EYS: variants seen among roughly 807,000 people sequenced by gnomAD.
EYS encodes the protein EGF-like photoreceptor maintenance factor.
Under a neutral mutation model 282.1 loss-of-function variants are expected in EYS, and 250 were observed. That is an observed-to-expected ratio of 0.89 (90% CI 0.80 to 0.98). EYS has a LOEUF of 0.98. Ranked by LOEUF, EYS falls within the 50% of genes least tolerant of loss-of-function variation. EYS has a pLI of 0.00. For synonymous variants in EYS, 1,355 were observed against 1,282.9 expected, an observed-to-expected ratio of 1.06 and a Z score of -1.20; for missense variants, 4,016 against 3,709.0, an observed-to-expected ratio of 1.08 and a Z score of -2.15.
intron 9 of EYS, among the ~76,000 whole-genome samples, chr6:65,352,126 CTA>C (rs918907754): frequency 8.6e-5 from 13 of 151,722 alleles, no homozygotes; most frequent in African/African-American, 2.9e-4. Context: ...GAACTGATAA[CTA>C]TTTCTGTCAC....
chr6:63,921,175 C>T (rs1297289058), intron 35 of EYS, among the ~76,000 whole-genome samples: 1 of 152,186 alleles, frequency 6.6e-6, no homozygotes, highest in East Asian at 1.9e-4. Context: ...GGATTACAGG[C>T]GTGAGCCACC....
chr6:65,641,235 CA>C (rs1331953837), intron 1 of EYS, among the ~76,000 whole-genome samples: 9 of 152,222 alleles, frequency 5.9e-5, no homozygotes, highest in Non-Finnish European at 1.3e-4. Context: ...CCAGAAGCAT[CA>C]ACGCTCAGAG....
intron 29 of EYS, among the ~76,000 whole-genome samples, chr6:64,341,055 G>A (rs555862185): frequency 3.3e-5 from 5 of 151,512 alleles, no homozygotes; most frequent in South Asian, 2.1e-4. Flanking sequence ...ATAAAAAATC[G>A]AAAACAACAC....
In EYS at chr6:64,590,922, T is replaced by C; in HGVS notation, c.4945A>G (p.Ile1649Val). ...TILSSSLEES[I>V]TLSSNLDVNL... ...ACATCCAAATTACTTGATAGGGTAA[T>C]GGATTCTTCCAAGGATGAGGATAAA... Residue 1649 changes from isoleucine (I) to valine (V), a missense_variant, in exon 26 of 43, where the codon ATT (isoleucine) becomes GTT (valine). Coordinates refer to ENST00000503581, the MANE Select transcript of EYS (RefSeq NM_001142800.2). 1 of 1,550,714 alleles carries C rather than the reference T, an allele frequency of 6.4e-7. No homozygotes were observed. The highest frequency in any genetic ancestry group is 8.7e-7 in the Non-Finnish European group (1 of 1,146,634).
intron 26 of EYS, among the ~76,000 whole-genome samples, chr6:64,490,032 G>A (rs1280144356): frequency 6.6e-6 from 1 of 150,688 alleles, no homozygotes; most frequent in Non-Finnish European, 1.5e-5. Context: ...AGTTCTCAGC[G>A]AATTTTATTA....
At chr6:65,215,414 G>C (rs1364203463) in intron 12 of EYS, among the ~76,000 whole-genome samples, 1 of 152,208 alleles carries the variant, frequency 6.6e-6, no homozygotes, top group African/African-American at 2.4e-5. Flanking sequence ...AGGGCCTAAA[G>C]ATGCGATTGA....
chr6:65,447,255 C>T (rs1261366423), intron 5 of EYS, among the ~76,000 whole-genome samples: 2 of 149,430 alleles, frequency 1.3e-5, no homozygotes, highest in African/African-American at 2.4e-5. Context: ...GGCTTTTCTA[C>T]TTCTAATTTC....
At chr6:64,434,125 G>C (rs1415461441) in intron 28 of EYS, among the ~76,000 whole-genome samples, 1 of 151,200 alleles carries the variant, frequency 6.6e-6, no homozygotes, top group Non-Finnish European at 1.5e-5. Context: ...CTTATTACAA[G>C]AGGAAATTAG....
chr6:65,165,948 C>A (rs1034562046), intron 12 of EYS, among the ~76,000 whole-genome samples: 1 of 150,814 alleles, frequency 6.6e-6, no homozygotes, highest in South Asian at 2.1e-4. Context: ...AATAAACAAT[C>A]CCTAAATGAA....
intron 22 of EYS, among the ~76,000 whole-genome samples, chr6:64,685,305 A>G (rs1293408306): frequency 1.8e-4 from 2 of 10,828 alleles, no homozygotes; most frequent in Non-Finnish European, 6.3e-4. Flanking sequence ...ACTTGATTTA[A>G]AAAAAATCTC....
At chr6:63,912,199 C>A (rs1245674022) in intron 35 of EYS, among the ~76,000 whole-genome samples, 3 of 152,200 alleles carry the variant, frequency 2.0e-5, no homozygotes, top group African/African-American at 4.8e-5. Context: ...ATTTCAATAT[C>A]TTTATAGTGA....
At chr6:63,869,883 T>A (rs1772759012) in intron 35 of EYS, among the ~76,000 whole-genome samples, 1 of 152,116 alleles carries the variant, frequency 6.6e-6, no homozygotes, top group East Asian at 1.9e-4. Flanking sequence ...GTCAAATGAA[T>A]GTATCATTTC....
chr6:64,010,057 G>C (rs1326082105), intron 33 of EYS, among the ~76,000 whole-genome samples: 1 of 151,448 alleles, frequency 6.6e-6, no homozygotes, highest in Non-Finnish European at 1.5e-5. Context: ...CTAACTCTGG[G>C]GGGTGGGGCT....
At chr6:64,551,143 T>C (rs1055124282) in intron 26 of EYS, among the ~76,000 whole-genome samples, 4 of 150,108 alleles carry the variant, frequency 2.7e-5, no homozygotes, top group East Asian at 2.0e-4. Context: ...TATATACACA[T>C]ATATGTATAT....
intron 22 of EYS, among the ~76,000 whole-genome samples, chr6:64,743,007 T>A (rs1583104242): frequency 6.6e-6 from 1 of 152,112 alleles, no homozygotes; most frequent in East Asian, 1.9e-4. Flanking sequence ...TTTCCTCCCA[T>A]ACTGTGCTAT....
rs373700998 is a variant in EYS at position 64,516,703 on chromosome 6, T to C, written c.5644+73520A>G. 2.0e-3 allele frequency among the ~76,000 whole-genome samples: 300 copies of C among 151,862 alleles called. 2 individuals carry two copies. Among genetic ancestry groups the C allele is most frequent in the Admixed American group, 2.6e-3 (40 of 15,188 alleles). On this transcript the variant is annotated intron_variant, in intron 26 of 42. Transcript: ENST00000503581. ...AGAGCACTGAGGGAAATAAACATCT[T>C]CACATTTGTACTTGGTTAAATGGAA...
chr6:64,634,782 T>A (rs773599159), intron 22 of EYS, among the ~76,000 whole-genome samples: 1 of 152,340 alleles, frequency 6.6e-6, no homozygotes, highest in Non-Finnish European at 1.5e-5. Context: ...TTGGTTAAGA[T>A]AATTTTTCTC....
intron 30 of EYS, among the ~76,000 whole-genome samples, chr6:64,280,829 A>G (rs1193414116): frequency 6.6e-6 from 1 of 152,142 alleles, no homozygotes; most frequent in Non-Finnish European, 1.5e-5. Context: ...GCAAGATTTC[A>G]TTAAGGAGTT....
chr6:65,077,050 A>G (rs1232732750), intron 12 of EYS, among the ~76,000 whole-genome samples: 1 of 152,036 alleles, frequency 6.6e-6, no homozygotes, highest in Non-Finnish European at 1.5e-5. Flanking sequence ...GTCAACGATT[A>G]GTGGGGATAT....
Sources: gnomAD v4.1 joint callset for allele counts (sites outside exome capture counted in the v4.1 genomes callset) on GRCh38, gnomAD v4.1.1 for gene constraint, MANE v1.5 for transcripts, NCBI Gene and HGNC (gene_info 2026-07-23, HGNC 2026-07-21) for gene names.